The following PPM1B variants were observed in gnomAD, a reference collection of about 807,000 sequenced individuals.
The protein encoded by PPM1B is protein phosphatase, Mg2+/Mn2+ dependent 1B, also known as protein phosphatase 1B.
PPM1B carries 22 observed loss-of-function variants against 43.0 expected under a neutral mutation model. The ratio of observed to expected loss-of-function variants is 0.51; its 90% CI spans 0.37 to 0.73. The LOEUF (loss-of-function observed/expected upper bound fraction) is 0.73. Among genes scored for constraint, PPM1B ranks in the 30% least tolerant of loss-of-function variants. The pLI, the probability that PPM1B is intolerant of heterozygous loss-of-function variation, is 0.00. For missense variants in PPM1B, 632 were observed against 584.2 expected (o/e 1.08, Z -0.84); for synonymous variants, 217 against 197.9 (o/e 1.10, Z -0.81).
intron 1 of PPM1B, among the ~76,000 whole-genome samples, chr2:44,198,219 G>A (rs1668755475): frequency 6.6e-6 from 1 of 152,162 alleles, no homozygotes; most frequent in Non-Finnish European, 1.5e-5. Context: ...AGAGTACAGT[G>A]GCACGATCCC....
chr2:44,215,940 C>G (rs2053458), intron 3 of PPM1B, among the ~76,000 whole-genome samples: 140,091 of 152,230 alleles, frequency 0.92, 64,591 homozygotes, highest in East Asian at 1. Flanking sequence ...CAGGCAATGA[C>G]AACAGCAAAG....
chr2:44,230,272 T>C (rs1367398514), intron 5 of PPM1B, 141 bp from the exon 6 acceptor site: 1 of 1,476,344 alleles, frequency 6.8e-7, no homozygotes, highest in South Asian at 1.4e-5. Flanking sequence ...CAGGTAAGAA[T>C]TGATATTTAA....
At chr2:44,235,100 A>C (rs1221605832), downstream of PPM1B, among the ~76,000 whole-genome samples, 1 of 152,222 alleles carries the variant, frequency 6.6e-6, no homozygotes, top group East Asian at 1.9e-4. Flanking sequence ...TAGTTTCTTG[A>C]AGATTGGTTG....
Position 44,240,987 on chromosome 2 carries a change from G to C in PPM1B, n.1547-3241G>C, listed in dbSNP as rs1670731499. 2.1e-5 allele frequency among the ~76,000 whole-genome samples: 3 copies of C among 140,898 alleles called. 1 individual carries two copies. The highest frequency in any genetic ancestry group is 4.7e-5 in the Non-Finnish European group (3 of 63,954). The allele number at this position is 140,898 out of a possible 152,430, so 92.4% of individuals were successfully genotyped here. On this transcript the variant is annotated intron_variant and non_coding_transcript_variant, in intron 5 of 5. Coordinates refer to the PPM1B transcript ENST00000378540. Reference sequence around the variant, plus strand: ...TTCATATTTTAATTTCTTTGAAATTGGGAAGCATCTTTATTTTTATTTTTT... The same window carrying C: ...TTCATATTTTAATTTCTTTGAAATTCGGAAGCATCTTTATTTTTATTTTTT...
chr2:44,172,218 C>A (rs965567543), intron 1 of PPM1B, among the ~76,000 whole-genome samples: 1 of 152,056 alleles, frequency 6.6e-6, no homozygotes, highest in Non-Finnish European at 1.5e-5. Context: ...TTGTTTTTCC[C>A]TTGCTGAATT....
chr2:44,233,257 A>G (rs1032428129), downstream of PPM1B: 102 of 890,396 alleles, frequency 1.1e-4, no homozygotes, highest in Admixed American at 3.1e-4. Context: ...TCACATTGAA[A>G]TTACTATAAA....
At chr2:44,203,932 A>T (rs1010188685) in intron 2 of PPM1B, among the ~76,000 whole-genome samples, 1 of 152,206 alleles carries the variant, frequency 6.6e-6, no homozygotes, top group Non-Finnish European at 1.5e-5. Context: ...CTGGTGGTAT[A>T]TCTTCACTTG....
chr2:44,226,151 A>G (rs1017454729), intron 5 of PPM1B, among the ~76,000 whole-genome samples: 5 of 151,632 alleles, frequency 3.3e-5, no homozygotes, highest in African/African-American at 4.9e-5. Context: ...AACTTTTTGT[A>G]TTTTTAGTAG....
chr2:44,246,109 C>G (rs1670849790), downstream of PPM1B, among the ~76,000 whole-genome samples: 1 of 152,166 alleles, frequency 6.6e-6, no homozygotes, highest in South Asian at 2.1e-4. Flanking sequence ...ATCCAGGACC[C>G]TTTTCTCCCA....
chr2:44,231,513 A>G (rs187807453), downstream of PPM1B: 1,648 of 910,090 alleles, frequency 1.8e-3, 5 homozygotes, highest in Middle Eastern at 0.012. Flanking sequence ...TTTAAAAACA[A>G]CCAAGTTTGG....
At chr2:44,209,082 A>G (rs1669327920) in intron 2 of PPM1B, 128 bp from the exon 3 acceptor site, 1 of 819,440 alleles carries the variant, frequency 1.2e-6, no homozygotes, top group Non-Finnish European at 1.8e-6. Context: ...CATTGGAATA[A>G]AAATGAATGT....
intron 1 of PPM1B, among the ~76,000 whole-genome samples, chr2:44,194,848 C>T (rs1668582840): frequency 6.6e-6 from 1 of 152,046 alleles, no homozygotes; most frequent in South Asian, 2.1e-4. Flanking sequence ...TGTCTCTAAA[C>T]CCAGAGTCTC....
chr2:44,193,793 G>A (rs752361498), intron 1 of PPM1B, among the ~76,000 whole-genome samples: 3 of 152,010 alleles, frequency 2.0e-5, no homozygotes, highest in Non-Finnish European at 4.4e-5. Flanking sequence ...TGGCCAGGCT[G>A]GTCTCGAACT....
intron 1 of PPM1B, among the ~76,000 whole-genome samples, chr2:44,189,433 A>T (rs745563445): frequency 1.3e-5 from 2 of 152,024 alleles, no homozygotes; most frequent in Non-Finnish European, 2.9e-5. Context: ...CGCAGTTCTA[A>T]CTTGCTAAGC....
At chr2:44,238,852 A>G (rs1262752312), downstream of PPM1B, among the ~76,000 whole-genome samples, 1 of 152,186 alleles carries the variant, frequency 6.6e-6, no homozygotes, top group Admixed American at 6.5e-5. Flanking sequence ...CCAAGAGTTA[A>G]TTAAATCCAA....
chr2:44,245,662 C>T (rs1365843640), downstream of PPM1B, among the ~76,000 whole-genome samples: 1 of 152,232 alleles, frequency 6.6e-6, no homozygotes, highest in Non-Finnish European at 1.5e-5. Context: ...ATTAACTTCT[C>T]CTTTGTTGTC....
intron 5 of PPM1B, among the ~76,000 whole-genome samples, chr2:44,241,369 A>T (rs1282895844): frequency 1.4e-5 from 2 of 144,998 alleles, no homozygotes; most frequent in Non-Finnish European, 3.1e-5. Context: ...CAGCTTGGTC[A>T]TATCTCAATT....
At chr2:44,217,021 T>C (rs1392386049) in intron 3 of PPM1B, among the ~76,000 whole-genome samples, 1 of 151,974 alleles carries the variant, frequency 6.6e-6, no homozygotes, top group African/African-American at 2.4e-5. Context: ...ATGGATCCTT[T>C]GGAGATGAGG....
intron 5 of PPM1B, among the ~76,000 whole-genome samples, chr2:44,228,047 G>A (rs965312837): frequency 2.0e-5 from 3 of 149,724 alleles, no homozygotes; most frequent in East Asian, 2.0e-4. Context: ...TCAGCCTCCC[G>A]GAGTAGCTGG....
Sources: gnomAD v4.1 joint callset for allele counts (sites outside exome capture counted in the v4.1 genomes callset) on GRCh38, gnomAD v4.1.1 for gene constraint, MANE v1.5 for transcripts, NCBI Gene and HGNC (gene_info 2026-07-23, HGNC 2026-07-21) for gene names.